The following CEP112 variants were observed in gnomAD, a reference collection of about 807,000 sequenced individuals.
The protein encoded by CEP112 is centrosomal protein of 112 kDa.
Under a neutral mutation model 153.0 loss-of-function variants are expected in CEP112, and 127 were observed. That is an observed-to-expected ratio of 0.83 (90% confidence interval 0.72 to 0.96). The LOEUF is 0.96. CEP112 is among the 40% of genes least tolerant of loss of function. The probability of loss-of-function intolerance (pLI) is 0.00; values close to 1 mark genes in which losing one functional copy is unlikely to be tolerated. For missense variants in CEP112, 1,089 were observed against 1,101.2 expected (o/e 0.99, Z 0.16); for synonymous variants, 358 against 374.4 (o/e 0.96, Z 0.51).
At chr17:65,880,788 C>T (rs949981630) in intron 20 of CEP112, among the ~76,000 whole-genome samples, 2 of 152,174 alleles carry the variant, frequency 1.3e-5, no homozygotes, top group African/African-American at 4.8e-5. Flanking sequence ...ATCAGTTAAA[C>T]GTCTGAATGT....
chr17:65,786,176 T>A (rs2054265567), intron 21 of CEP112, among the ~76,000 whole-genome samples: 1 of 152,226 alleles, frequency 6.6e-6, no homozygotes, highest in Non-Finnish European at 1.5e-5. Flanking sequence ...TATTTCATGC[T>A]ATTTTAAATG....
At chr17:65,694,746 T>C (rs2048278509) in intron 23 of CEP112, among the ~76,000 whole-genome samples, 2 of 152,220 alleles carry the variant, frequency 1.3e-5, no homozygotes, top group Non-Finnish European at 2.9e-5. Context: ...ATAAGGACTA[T>C]GTGAAAATGA....
intron 17 of CEP112, among the ~76,000 whole-genome samples, chr17:65,997,665 T>C (rs560392281): frequency 6.6e-6 from 1 of 152,270 alleles, no homozygotes; most frequent in Admixed American, 6.5e-5. Flanking sequence ...AATTTTTCCT[T>C]CTAAAACTTT....
intron 24 of CEP112, among the ~76,000 whole-genome samples, chr17:65,650,904 T>C (rs1567811101): frequency 6.6e-6 from 1 of 151,744 alleles, no homozygotes; most frequent in East Asian, 1.9e-4. Flanking sequence ...TCTCTTTTTT[T>C]TCTCTCTTTC....
At chr17:66,002,206 G>C (rs996448693) in intron 17 of CEP112, among the ~76,000 whole-genome samples, 1 of 122,238 alleles carries the variant, frequency 8.2e-6, no homozygotes, top group African/African-American at 2.6e-5. Flanking sequence ...CAATTGCTTG[G>C]AGAGAGTATA....
rs567807716 is a variant in CEP112 at position 65,973,722 on chromosome 17, G to A, written c.1737-12124C>T. 4.0e-4 allele frequency among the ~76,000 whole-genome samples: 61 copies of A among 152,268 alleles called. 1 individual carries two copies. The South Asian group carries it at 0.012, about 31-fold the overall frequency. ...GAAATCAGTGGTTGCCTGGATATGG[G>A]GAGGTGGAAAGGGGTAGACCAGAAG... On this transcript the variant is annotated intron_variant, in intron 17 of 26. Coordinates refer to ENST00000535342, the MANE Select transcript of CEP112 (RefSeq NM_001199165.4).
chr17:66,030,377 T>A (rs1402933395), intron 12 of CEP112, among the ~76,000 whole-genome samples: 1 of 152,212 alleles, frequency 6.6e-6, no homozygotes, highest in African/African-American at 2.4e-5. Flanking sequence ...GTACGGCCAT[T>A]AGCTGACTAC....
chr17:65,642,633 C>G (rs2045206192), intron 24 of CEP112, among the ~76,000 whole-genome samples: 1 of 152,150 alleles, frequency 6.6e-6, no homozygotes, highest in Non-Finnish European at 1.5e-5. Context: ...TCTGTTGATT[C>G]TCCTGTCTAC....
chr17:66,132,263 T>C (rs2070219581), intron 5 of CEP112, among the ~76,000 whole-genome samples: 1 of 144,144 alleles, frequency 6.9e-6, no homozygotes, highest in African/African-American at 2.6e-5. Flanking sequence ...AACAAATAGA[T>C]GCAAGACAGA....
At chr17:66,069,640 A>C (rs1159675479) in intron 9 of CEP112, among the ~76,000 whole-genome samples, 1 of 152,166 alleles carries the variant, frequency 6.6e-6, no homozygotes, top group African/African-American at 2.4e-5. Context: ...AAAAGACTAT[A>C]AGAAGGTCAG....
At chr17:66,049,935 A>G (rs2066368977) in intron 12 of CEP112, among the ~76,000 whole-genome samples, 1 of 152,192 alleles carries the variant, frequency 6.6e-6, no homozygotes, top group African/African-American at 2.4e-5. Flanking sequence ...GATAGAAAAT[A>G]TAGCATAAGA....
intron 20 of CEP112, among the ~76,000 whole-genome samples, chr17:65,889,457 TA>T (rs1284981886): frequency 6.6e-6 from 1 of 152,180 alleles, no homozygotes; most frequent in Non-Finnish European, 1.5e-5. Context: ...GTATTATTGT[TA>T]CTTTTTTCCT....
intron 12 of CEP112, among the ~76,000 whole-genome samples, chr17:66,033,542 A>C (rs908378430): frequency 9.2e-5 from 14 of 152,170 alleles, no homozygotes; most frequent in African/African-American, 3.4e-4. Context: ...TCATCAAGCT[A>C]GCCTCAAAGC....
chr17:65,979,611 G>A (rs1360609575), intron 17 of CEP112, among the ~76,000 whole-genome samples: 2 of 152,014 alleles, frequency 1.3e-5, no homozygotes, highest in Non-Finnish European at 2.9e-5. Flanking sequence ...ATACAAAACT[G>A]AATACCTTAA....
chr17:65,744,241 TTG>T (rs1438492345), intron 22 of CEP112, among the ~76,000 whole-genome samples: 1 of 150,862 alleles, frequency 6.6e-6, no homozygotes, highest in Non-Finnish European at 1.5e-5. Flanking sequence ...TGTTTTTTGT[TTG>T]TTTGTTTGTT....
chr17:65,809,072 A>T (rs887515602), intron 21 of CEP112, among the ~76,000 whole-genome samples: 55 of 152,264 alleles, frequency 3.6e-4, no homozygotes, highest in African/African-American at 1.2e-3. Flanking sequence ...GAGCCCAAGG[A>T]ATTTCTATTC....
chr17:65,733,013 C>G (rs1317221969), intron 23 of CEP112, among the ~76,000 whole-genome samples: 1 of 152,232 alleles, frequency 6.6e-6, no homozygotes, highest in Non-Finnish European at 1.5e-5. Flanking sequence ...AGAGGCCTAG[C>G]TTTGGGCCTG....
intron 24 of CEP112, among the ~76,000 whole-genome samples, chr17:65,679,129 CTTTTTTTTTTTTTTTTTTT>C (rs57907674): frequency 8.1e-3 from 255 of 31,596 alleles, no homozygotes; most frequent in South Asian, 0.02. Context: ...GTGGTTCAAG[CTTTTTTTTTTTTTTTTTTT>C]TTTTTTTTTT....
intron 11 of CEP112, among the ~76,000 whole-genome samples, chr17:66,057,944 T>C (rs2145971602): frequency 6.6e-6 from 1 of 151,970 alleles, no homozygotes. Context: ...ACTACAAAAA[T>C]TAGCCAGGCA....
Sources: allele counts gnomAD v4.1 joint callset (sites outside exome capture counted in the v4.1 genomes callset), GRCh38; gene constraint gnomAD v4.1.1; transcripts MANE v1.5; gene names NCBI Gene and HGNC (gene_info 2026-07-23, HGNC 2026-07-21).